Variants in NPM2 observed in about 807,000 individuals in gnomAD.
The protein encoded by NPM2 is nucleophosmin/nucleoplasmin 2, also known as nucleoplasmin-2.
A neutral mutation model predicts 32.0 loss-of-function variants in NPM2; 25 were observed. That is an observed-to-expected ratio of 0.78 (90% CI 0.57 to 1.09). The LOEUF (loss-of-function observed/expected upper bound fraction) is 1.09, where lower values mean the gene tolerates loss of function less well. Among genes scored for constraint, NPM2 ranks in the 50% least tolerant of loss-of-function variants. The pLI, the probability that NPM2 is intolerant of heterozygous loss-of-function variation, is 0.00. For synonymous variants in NPM2, 111 were observed against 94.2 expected, an observed-to-expected ratio of 1.18 and a Z score of -1.04; for missense variants, 282 against 259.9, an observed-to-expected ratio of 1.08 and a Z score of -0.58.
intron 5 of NPM2, 54 bp downstream of exon 5, chr8:22,025,826 G>C: frequency 6.2e-7 from 1 of 1,610,784 alleles, no homozygotes; most frequent in South Asian, 1.1e-5. Flanking sequence ...CCTCACCCTT[G>C]GGTGGGGATG....
At chr8:22,035,429 A>G (rs961440200) in intron 8 of NPM2, among the ~76,000 whole-genome samples, 6 of 151,992 alleles carry the variant, frequency 3.9e-5, no homozygotes, top group Admixed American at 2.6e-4. Flanking sequence ...ACGTGCCACT[A>G]TGCATGGCTA....
chr8:22,036,407 G>T, intron 8 of NPM2, 86 bp from the exon 9 acceptor site: 1 of 1,386,680 alleles, frequency 7.2e-7, no homozygotes, highest in Non-Finnish European at 9.9e-7. Context: ...TCCAGGGTGG[G>T]CACTGGGAGG....
intron 8 of NPM2, among the ~76,000 whole-genome samples, chr8:22,035,263 T>C (rs1031424393): frequency 2.0e-5 from 3 of 152,168 alleles, no homozygotes; most frequent in African/African-American, 7.2e-5. Flanking sequence ...CTGGAAAGTA[T>C]GTGTATAGTT....
intron 5 of NPM2, among the ~76,000 whole-genome samples, chr8:22,027,872 G>A (rs1800308610): frequency 6.6e-6 from 1 of 152,092 alleles, no homozygotes; most frequent in Admixed American, 6.6e-5. Flanking sequence ...CTCCCAAAGT[G>A]CTGGATTTAC....
chr8:22,034,602 G>C (rs1456513818), intron 8 of NPM2, 58 bp downstream of exon 8: 2 of 1,368,236 alleles, frequency 1.5e-6, no homozygotes, highest in East Asian at 2.3e-5. Context: ...TACAGTGTTA[G>C]AAAGAATACT....
At chr8:22,036,322 A>C (rs1800618605) in intron 8 of NPM2, 171 bp from the exon 9 acceptor site, 1 of 592,318 alleles carries the variant, frequency 1.7e-6, no homozygotes, top group Non-Finnish European at 3.0e-6. Context: ...ACATATGCGT[A>C]TGCATGCACA....
At chr8:22,026,188 T>G (rs1800246807) in intron 5 of NPM2, among the ~76,000 whole-genome samples, 1 of 152,026 alleles carries the variant, frequency 6.6e-6, no homozygotes, top group South Asian at 2.1e-4. Context: ...GTTGCATGCT[T>G]CTTATGAGAA....
intron 6 of NPM2, 84 bp from the exon 7 acceptor site, chr8:22,034,025 C>T: frequency 1.3e-6 from 2 of 1,522,518 alleles, no homozygotes; most frequent in Non-Finnish European, 1.8e-6. Context: ...GTGCTTGGAG[C>T]AACACGGATC....
chr8:22,029,029 ATT>A (rs140073714), intron 5 of NPM2, among the ~76,000 whole-genome samples: 2 of 151,960 alleles, frequency 1.3e-5, no homozygotes, highest in East Asian at 3.9e-4. Flanking sequence ...TCTCATTCTA[ATT>A]TTTTTACTGT....
At chr8:22,035,513 A>G (rs1411222161) in intron 8 of NPM2, among the ~76,000 whole-genome samples, 1 of 152,156 alleles carries the variant, frequency 6.6e-6, no homozygotes, top group Non-Finnish European at 1.5e-5. Context: ...ACCTCAAGCA[A>G]TCCTCCTGCC....
intron 7 of NPM2, 63 bp downstream of exon 7, chr8:22,034,338 G>T: frequency 1.1e-5 from 17 of 1,501,956 alleles, no homozygotes; most frequent in Non-Finnish European, 1.5e-5. Flanking sequence ...CTTAAGAGGG[G>T]TGGGCCACCG....
chr8:22,026,029 G>A (rs780507620), intron 5 of NPM2, among the ~76,000 whole-genome samples: 4 of 152,122 alleles, frequency 2.6e-5, no homozygotes, highest in African/African-American at 4.8e-5. Flanking sequence ...ACCAGAACTC[G>A]TCCTGTTAGG....
chr8:22,034,561 A>G lies in NPM2; in HGVS notation c.566+17A>G, dbSNP rs1462578882. 1.3e-6 allele frequency: 2 copies of G among 1,598,434 alleles called. No individual in the cohort carries two copies. Among genetic ancestry groups the G allele is most frequent in the Admixed American group, 1.7e-5 (1 of 58,848 alleles). On this transcript the variant is annotated intron_variant, in intron 8 of 9. Transcript: ENST00000518119. ...GGAAATAAGGTAACTCTTTCTACCTATTAAATTAGCCAAAGTCTCCAGCTG... is the reference window on the plus strand; with the variant it reads ...GGAAATAAGGTAACTCTTTCTACCTGTTAAATTAGCCAAAGTCTCCAGCTG...
At chr8:22,025,128 T>G in intron 2 of NPM2, 88 bp from the exon 3 acceptor site, 1 of 1,149,864 alleles carries the variant, frequency 8.7e-7, no homozygotes, top group Non-Finnish European at 1.2e-6. Context: ...GACCCCTCAG[T>G]ACCTGCCGAT....
intron 7 of NPM2, 93 bp downstream of exon 7, chr8:22,034,368 C>T: frequency 7.1e-7 from 1 of 1,414,010 alleles, no homozygotes; most frequent in Non-Finnish European, 9.7e-7. Context: ...GCCAGCCTCC[C>T]AGAATGAGTG....
chr8:22,036,429 G>A, intron 8 of NPM2, 64 bp from the exon 9 acceptor site: 1 of 1,540,718 alleles, frequency 6.5e-7, no homozygotes, highest in South Asian at 1.2e-5. Context: ...CCACGCCGCT[G>A]GTCTGGAGCT....
At chr8:22,025,918 A>C in intron 5 of NPM2, 146 bp downstream of exon 5, 1 of 1,196,438 alleles carries the variant, frequency 8.4e-7, no homozygotes, top group Non-Finnish European at 1.2e-6. Context: ...GCCGGGGTCC[A>C]GCCCAGCTCA....
rs1248116101 is a variant in NPM2 at position 22,025,629 on chromosome 8, A to G, written c.145-18A>G. On this transcript the variant is annotated intron_variant, in intron 4 of 9. Transcript: ENST00000518119. ...GCCCTCAGGGTGATGAGGGGCCTCT[A>G]TTTTCAACCCCGCTCAGATTTGCTT... The G allele has an allele frequency of 2.5e-6, 4 of 1,614,028 alleles. No individual in the cohort carries two copies. Among genetic ancestry groups the G allele is most frequent in the South Asian group, 2.2e-5 (2 of 91,078 alleles).
chr8:22,033,096 G>C, intron 5 of NPM2, 34 bp from the exon 6 acceptor site: 1 of 1,535,174 alleles, frequency 6.5e-7, no homozygotes, highest in Non-Finnish European at 9.0e-7. Flanking sequence ...CCAGGCCTAA[G>C]TGGCCCTGTC....
Sources: gnomAD v4.1 joint callset for allele counts (sites outside exome capture counted in the v4.1 genomes callset) on GRCh38, gnomAD v4.1.1 for gene constraint, MANE v1.5 for transcripts, NCBI Gene and HGNC (gene_info 2026-07-23, HGNC 2026-07-21) for gene names.